The following CDC42BPA variants were observed in gnomAD, a reference collection of about 807,000 sequenced individuals.
CDC42BPA encodes the protein CDC42 binding protein kinase alpha.
CDC42BPA carries 80 observed loss-of-function variants against 223.5 expected under a neutral mutation model. The ratio of observed to expected loss-of-function variants is 0.36; its 90% CI spans 0.30 to 0.43. The LOEUF is 0.43. Among genes scored for constraint, CDC42BPA ranks in the 20% least tolerant of loss-of-function variants. CDC42BPA has a pLI of 1.00. For synonymous variants in CDC42BPA, 694 were observed against 718.6 expected (o/e 0.97, Z 0.55); for missense variants, 1,743 against 2,099.9 (o/e 0.83, Z 3.32).
intron 1 of CDC42BPA, among the ~76,000 whole-genome samples, chr1:227,296,557 T>C (rs1047636211): frequency 5.3e-5 from 8 of 151,618 alleles, no homozygotes; most frequent in African/African-American, 1.9e-4. Flanking sequence ...AATACAAAAA[T>C]TAGCTGGGCA....
intron 3 of CDC42BPA, among the ~76,000 whole-genome samples, chr1:227,210,672 C>CT (rs1268069712): frequency 6.6e-6 from 1 of 152,140 alleles, no homozygotes; most frequent in East Asian, 1.9e-4. Flanking sequence ...AAAGTATAAA[C>CT]TTTAATTCAA....
chr1:227,204,558 T>TC (rs1672334737), intron 3 of CDC42BPA, among the ~76,000 whole-genome samples: 1 of 152,146 alleles, frequency 6.6e-6, no homozygotes, highest in South Asian at 2.1e-4. Flanking sequence ...AAAATGATAA[T>TC]CCCTTCATGT....
chr1:227,196,344 T>TTTTTTTTTTTCTTTTTTTTTTC (rs1670709816), intron 4 of CDC42BPA, among the ~76,000 whole-genome samples: 2 of 130,044 alleles, frequency 1.5e-5, no homozygotes, highest in East Asian at 4.2e-4. Context: ...AATACTTTTT[T>TTTTTTTTTTTCTTTTTTTTTTC]TTTTTTTTTT....
intron 3 of CDC42BPA, among the ~76,000 whole-genome samples, chr1:227,209,521 A>C (rs1449343329): frequency 1.5e-5 from 2 of 137,660 alleles, no homozygotes; most frequent in Non-Finnish European, 3.1e-5. Flanking sequence ...ATTATTTTGA[A>C]ATACGTCCCA....
In CDC42BPA at chr1:227,100,747, A is replaced by AGTGTGT. The variant is rs57210205; in HGVS notation, c.2249+239_2249+244dup. Reference sequence around the variant, plus strand: ...TGTGTGTCTGCCATCATACCCAGCTAGTGTGTGTGTGTGTGTGTGTGTGTG... The same window carrying AGTGTGT: ...TGTGTGTCTGCCATCATACCCAGCTAGTGTGTGTGTGTGTGTGTGTGTGTGTGTGTG... On this transcript the variant is annotated intron_variant, in intron 15 of 36. Transcript: ENST00000366766. 4.2e-3 allele frequency among the ~76,000 whole-genome samples: 571 copies of AGTGTGT among 137,370 alleles called. 5 individuals are homozygous for AGTGTGT. Among genetic ancestry groups the AGTGTGT allele is most frequent in the South Asian group, 0.016 (65 of 4,042 alleles). The allele number at this position is 137,370 out of a possible 152,430, so 90.1% of individuals were successfully genotyped here.
rs377673964 is a variant in CDC42BPA, at chr1:227,023,014, C to T, written c.4615+249G>A. Among the ~76,000 whole-genome samples the T allele has an allele frequency of 6.9e-4, 105 of 152,300 alleles. 3 individuals are homozygous for T. In the South Asian group the frequency reaches 0.022, roughly 31 times the overall value. ...TACACTTTCTCTACTTACTCAGGTA[C>T]TCCACAGAAAAATAACAAGGTACAT... On this transcript the variant is annotated intron_variant, in intron 32 of 36. Transcript: ENST00000366766.
rs769656525 is a variant in CDC42BPA at position 227,139,755 on chromosome 1, A to G, written c.1224-13T>C. 1.1e-5 allele frequency: 16 copies of G among 1,494,132 alleles called. No homozygotes were observed. In the Admixed American group the frequency reaches 3.9e-4, roughly 36 times the overall value. 92.6% of individuals were successfully genotyped at this position (1,494,132 alleles called of 1,614,324 possible). A position where few individuals can be genotyped will look rare whatever the true frequency, so the allele number is the denominator to read the frequency against. ...ATCAGAAAGTACACTGAAGAAAAGA[A>G]AAAAAAATGTAGGTTCATACTGTGA... On this transcript the variant is annotated splice_polypyrimidine_tract_variant and intron_variant, in intron 9 of 36. Coordinates refer to ENST00000366766, the MANE Select transcript of CDC42BPA (RefSeq NM_001394014.1).
chr1:227,108,983 C>G (rs1304638160), intron 14 of CDC42BPA, among the ~76,000 whole-genome samples: 1 of 151,756 alleles, frequency 6.6e-6, no homozygotes, highest in Non-Finnish European at 1.5e-5. Flanking sequence ...ACTTGTGTCT[C>G]TAAATATAGA....
At chr1:227,081,881 A>C (rs12410460) in intron 16 of CDC42BPA, among the ~76,000 whole-genome samples, 23,507 of 152,202 alleles carry the variant, frequency 0.15, 2,201 homozygotes, top group African/African-American at 0.25. Context: ...TTAAAATATA[A>C]CCACGATAGC....
intron 23 of CDC42BPA, among the ~76,000 whole-genome samples, chr1:227,045,668 CAA>C (rs1301906608): frequency 7.2e-5 from 11 of 152,230 alleles, no homozygotes; most frequent in Admixed American, 3.9e-4. Context: ...AGAGAATTCT[CAA>C]ATTTATCTTG....
intron 15 of CDC42BPA, among the ~76,000 whole-genome samples, chr1:227,099,937 T>C (rs1221323979): frequency 6.6e-6 from 1 of 152,128 alleles, no homozygotes; most frequent in East Asian, 1.9e-4. Flanking sequence ...GGGACAGGAA[T>C]TTTTTTCATT....
intron 23 of CDC42BPA, among the ~76,000 whole-genome samples, chr1:227,042,121 G>A (rs1301923411): frequency 6.6e-6 from 1 of 152,096 alleles, no homozygotes; most frequent in Non-Finnish European, 1.5e-5. Flanking sequence ...GTTAGTCCTA[G>A]AGGCTTTGAA....
chr1:227,068,096 C>T (rs1170980811), intron 21 of CDC42BPA, among the ~76,000 whole-genome samples: 1 of 151,730 alleles, frequency 6.6e-6, no homozygotes, highest in Non-Finnish European at 1.5e-5. Flanking sequence ...AATATGTTAA[C>T]TAAAATCACT....
At chr1:227,147,271 T>C (rs1660872081) in intron 7 of CDC42BPA, 88 bp downstream of exon 7, 5 of 924,598 alleles carry the variant, frequency 5.4e-6, no homozygotes, top group East Asian at 2.7e-5. Context: ...TTGTTCACTG[T>C]TTTTAGAAAA....
intron 21 of CDC42BPA, among the ~76,000 whole-genome samples, chr1:227,062,757 C>T (rs1332831356): frequency 6.6e-6 from 1 of 151,630 alleles, no homozygotes; most frequent in African/African-American, 2.4e-5. Flanking sequence ...TCCATTTCCA[C>T]ATCTGCTTTG....
At chr1:227,288,091 C>T (rs1689085964) in intron 1 of CDC42BPA, among the ~76,000 whole-genome samples, 1 of 152,184 alleles carries the variant, frequency 6.6e-6, no homozygotes, top group Non-Finnish European at 1.5e-5. Flanking sequence ...TCATTACATG[C>T]TTGTCCCATC....
At chr1:227,232,901 C>A (rs1678284950) in intron 2 of CDC42BPA, among the ~76,000 whole-genome samples, 1 of 152,216 alleles carries the variant, frequency 6.6e-6, no homozygotes, top group South Asian at 2.1e-4. Flanking sequence ...TCTCAGATCT[C>A]AAACTCCTTG....
intron 2 of CDC42BPA, among the ~76,000 whole-genome samples, chr1:227,233,685 G>C (rs968479068): frequency 2.9e-4 from 44 of 152,122 alleles, no homozygotes; most frequent in African/African-American, 1.0e-3. Flanking sequence ...TGTAATCACA[G>C]AATTTTGGAG....
At chr1:227,057,139 T>C (rs1320493) in intron 21 of CDC42BPA, among the ~76,000 whole-genome samples, 1 of 152,048 alleles carries the variant, frequency 6.6e-6, no homozygotes, top group Non-Finnish European at 1.5e-5. Context: ...TCTGAAATAA[T>C]ACATTCAGTG....
Sources: allele counts gnomAD v4.1 joint callset (sites outside exome capture counted in the v4.1 genomes callset), GRCh38; gene constraint gnomAD v4.1.1; transcripts MANE v1.5; gene names NCBI Gene and HGNC (gene_info 2026-07-23, HGNC 2026-07-21).